Variants in AEBP2 observed in about 807,000 individuals in gnomAD.
AEBP2 encodes AE binding protein 2.
In AEBP2, 10 loss-of-function variants were observed where a neutral mutation model predicts 50.8. That is an observed-to-expected ratio of 0.20 (90% CI 0.12 to 0.33). The LOEUF (loss-of-function observed/expected upper bound fraction) is 0.33. Ranked by LOEUF, AEBP2 falls within the 10% of genes least tolerant of loss-of-function variation. The probability of loss-of-function intolerance (pLI) is 1.00; values close to 1 mark genes in which losing one functional copy is unlikely to be tolerated. For synonymous variants in AEBP2, 296 were observed against 261.3 expected (o/e 1.13, Z -1.28); for missense variants, 570 against 688.0 (o/e 0.83, Z 1.92).
At chr12:19,469,914 C>A (rs993075784) in intron 2 of AEBP2, among the ~76,000 whole-genome samples, 4 of 152,186 alleles carry the variant, frequency 2.6e-5, no homozygotes, top group African/African-American at 9.7e-5. Flanking sequence ...GAACATACTT[C>A]TTCCAAATTT....
In AEBP2 at chr12:19,457,287, A is replaced by C; in HGVS notation, c.672-5223A>C. ...CTTCAAATTCACCAACACTGGCAGC[A>C]ACAATCAGGACAGCACAGTCAGCCT... On this transcript the variant is annotated intron_variant, in intron 1 of 7. Coordinates refer to ENST00000266508, the MANE Select transcript of AEBP2 (RefSeq NM_153207.5). 2.6e-6 allele frequency: 4 copies of C among 1,567,690 alleles called. No individual in the cohort carries two copies. In the South Asian group the frequency reaches 4.4e-5, roughly 17 times the overall value.
chr12:19,459,592 C>G (rs998604344), intron 1 of AEBP2, among the ~76,000 whole-genome samples: 1 of 152,096 alleles, frequency 6.6e-6, no homozygotes, highest in Admixed American at 6.5e-5. Flanking sequence ...GAAAAACCAC[C>G]ATACCCAAGG....
chr12:19,408,134 C>T (rs1312019076), intron 1 of AEBP2, among the ~76,000 whole-genome samples: 1 of 151,786 alleles, frequency 6.6e-6, no homozygotes, highest in African/African-American at 2.4e-5. Flanking sequence ...AAGTTTGGGA[C>T]TTAGAGAATA....
chr12:19,504,463 A>G (rs967231123), intron 5 of AEBP2, among the ~76,000 whole-genome samples: 3 of 151,460 alleles, frequency 2.0e-5, no homozygotes, highest in African/African-American at 7.3e-5. Context: ...GATGCTCTCG[A>G]TCTCCTGACC....
chr12:19,519,368 T>G lies in AEBP2; in HGVS notation c.*1251T>G, dbSNP rs1471377122. 6.6e-6 allele frequency: 1 copy of G among 152,562 alleles called. No individual in the cohort carries two copies. The highest frequency in any genetic ancestry group is 1.5e-5 in the Non-Finnish European group (1 of 67,984). The allele number at this position is 152,562 out of a possible 1,614,324, so 9.5% of individuals were successfully genotyped here. A position where few individuals can be genotyped will look rare whatever the true frequency, so the allele number is the denominator to read the frequency against. The stretch of plus-strand genomic sequence containing the variant: ...GGAATTGTTAATAAAAGCACCTTCT[T>G]TAACAATAAATGTCTTTCACAGACT... On this transcript the variant is annotated 3_prime_UTR_variant, in exon 8 of 8. Coordinates refer to ENST00000266508, the MANE Select transcript of AEBP2 (RefSeq NM_153207.5).
intron 4 of AEBP2, 118 bp downstream of exon 4, chr12:19,494,104 G>A: frequency 4.5e-6 from 5 of 1,115,952 alleles, no homozygotes; most frequent in East Asian, 5.2e-5. Flanking sequence ...CAAACAGGTA[G>A]GATGCCTGTC....
At chr12:19,418,364 A>ACAGGTG (rs2095743760) in intron 1 of AEBP2, among the ~76,000 whole-genome samples, 1 of 148,874 alleles carries the variant, frequency 6.7e-6, no homozygotes, top group African/African-American at 2.5e-5. Context: ...ACCTGGGACT[A>ACAGGTG]CAGGTGCATG....
At chr12:19,463,022 GA>G in intron 2 of AEBP2, among the ~76,000 whole-genome samples, 1 of 152,292 alleles carries the variant, frequency 6.6e-6, no homozygotes, top group South Asian at 2.1e-4. Context: ...GTTTTGAGTT[GA>G]GAACATTTAG....
intron 1 of AEBP2, among the ~76,000 whole-genome samples, chr12:19,458,803 T>G (rs1035962159): frequency 1.3e-5 from 2 of 152,208 alleles, no homozygotes; most frequent in African/African-American, 4.8e-5. Context: ...ACAGCATGGT[T>G]AAAATGGTAT....
At chr12:19,466,417 C>T (rs1948475896) in intron 2 of AEBP2, among the ~76,000 whole-genome samples, 2 of 152,120 alleles carry the variant, frequency 1.3e-5, no homozygotes, top group Non-Finnish European at 2.9e-5. Flanking sequence ...TGCCACCGCA[C>T]TCCAGCCTGG....
intron 7 of AEBP2, among the ~76,000 whole-genome samples, chr12:19,515,932 T>C (rs1373962419): frequency 1.3e-5 from 2 of 152,104 alleles, no homozygotes; most frequent in Admixed American, 1.3e-4. Context: ...AGACCCTGTC[T>C]CTACAAAAAA....
intron 5 of AEBP2, among the ~76,000 whole-genome samples, chr12:19,506,479 C>G (rs529133016): frequency 6.6e-6 from 1 of 152,198 alleles, no homozygotes; most frequent in South Asian, 2.1e-4. Context: ...AAACTGTACC[C>G]ATTGAAAGTA....
intron 3 of AEBP2, among the ~76,000 whole-genome samples, chr12:19,492,586 CAAAAT>C (rs1024792161): frequency 2.0e-5 from 3 of 149,390 alleles, no homozygotes; most frequent in South Asian, 4.2e-4. Flanking sequence ...AATAAAAAAA[CAAAAT>C]AAAATAAAAA....
At chr12:19,487,391 T>C (rs956959729) in intron 3 of AEBP2, among the ~76,000 whole-genome samples, 3 of 152,146 alleles carry the variant, frequency 2.0e-5, no homozygotes, top group African/African-American at 7.2e-5. Context: ...TTATTACCAC[T>C]GTCTGGTTAC....
chr12:19,513,047 T>C (rs2120609341), intron 6 of AEBP2, among the ~76,000 whole-genome samples: 1 of 152,302 alleles, frequency 6.6e-6, no homozygotes, highest in Admixed American at 6.5e-5. Context: ...TTTGAGATGC[T>C]CAACCTGGGC....
intron 1 of AEBP2, among the ~76,000 whole-genome samples, chr12:19,458,316 C>T (rs992544400): frequency 6.6e-6 from 1 of 152,184 alleles, no homozygotes; most frequent in Non-Finnish European, 1.5e-5. Context: ...GGATTGGATA[C>T]TTCCTAGAAG....
chr12:19,493,722 C>G, intron 3 of AEBP2, 78 bp from the exon 4 acceptor site: 1 of 1,341,900 alleles, frequency 7.5e-7, no homozygotes, highest in South Asian at 1.4e-5. Flanking sequence ...TCCGAAAATA[C>G]TAGATATTCA....
intron 2 of AEBP2, among the ~76,000 whole-genome samples, chr12:19,465,314 A>G (rs1051330324): frequency 3.3e-5 from 5 of 151,982 alleles, no homozygotes; most frequent in Non-Finnish European, 1.5e-5. Context: ...GAACCGCTTG[A>G]ACCCGGGAGG....
chr12:19,514,097 T>A (rs1326604788), intron 6 of AEBP2, among the ~76,000 whole-genome samples: 2 of 152,128 alleles, frequency 1.3e-5, no homozygotes, highest in East Asian at 3.9e-4. Context: ...TCTCCTGGGT[T>A]CAAGCGATTC....
Sources: gnomAD v4.1 joint callset for allele counts (sites outside exome capture counted in the v4.1 genomes callset) on GRCh38, gnomAD v4.1.1 for gene constraint, MANE v1.5 for transcripts, NCBI Gene and HGNC (gene_info 2026-07-23, HGNC 2026-07-21) for gene names.